Variants in ZNF385D observed in about 807,000 individuals in gnomAD.
The protein encoded by ZNF385D is zinc finger protein 385D.
A neutral mutation model predicts 35.8 loss-of-function variants in ZNF385D; 15 were observed. That is an observed-to-expected ratio of 0.42 (90% confidence interval 0.28 to 0.64). The LOEUF (loss-of-function observed/expected upper bound fraction) is 0.64, where lower values mean the gene tolerates loss of function less well. ZNF385D is among the 30% of genes least tolerant of loss of function. ZNF385D has a pLI of 0.23. For synonymous variants in ZNF385D, 212 were observed against 186.8 expected (o/e 1.13, Z -1.10); for missense variants, 474 against 494.6 (o/e 0.96, Z 0.39).
At chr3:21,727,166 T>C (rs905733096) in intron 1 of ZNF385D, among the ~76,000 whole-genome samples, 5 of 152,024 alleles carry the variant, frequency 3.3e-5, no homozygotes, top group Non-Finnish European at 7.4e-5. Context: ...TATACAAAAA[T>C]TAACTCAAAA....
intron 3 of ZNF385D, among the ~76,000 whole-genome samples, chr3:22,080,777 G>A (rs903307641): frequency 3.9e-5 from 6 of 152,094 alleles, no homozygotes; most frequent in Non-Finnish European, 5.9e-5. Context: ...TGAGGGTGGT[G>A]TCATTTTGTT....
intron 3 of ZNF385D, chr3:21,877,957 G>C (rs1698070072): frequency 1.3e-5 from 2 of 151,996 alleles, no homozygotes; most frequent in Non-Finnish European, 2.9e-5. Flanking sequence ...CAGCAATGAA[G>C]ATTTCATGAT....
At chr3:22,171,578 A>G (rs1314407347) in intron 2 of ZNF385D, among the ~76,000 whole-genome samples, 3 of 152,178 alleles carry the variant, frequency 2.0e-5, no homozygotes, top group Non-Finnish European at 4.4e-5. Context: ...GTAGGACATC[A>G]TAAAACATTT....
At chr3:21,668,681 G>C (rs1041150477) in intron 1 of ZNF385D, among the ~76,000 whole-genome samples, 1 of 152,120 alleles carries the variant, frequency 6.6e-6, no homozygotes, top group Admixed American at 6.6e-5. Context: ...ATCTGGATTA[G>C]TCCTAAAATA....
chr3:21,670,658 CCCCCCCCCCCCCCCCAA>C (rs2066543829), intron 1 of ZNF385D, among the ~76,000 whole-genome samples: 1 of 5,926 alleles, frequency 1.7e-4, no homozygotes, highest in Non-Finnish European at 8.2e-4. Context: ...GCGCCCCCCC[CCCCCCCCCCCCCCCCAA>C]TGACTGAACG....
At chr3:21,743,155 T>C (rs559104630) in intron 1 of ZNF385D, among the ~76,000 whole-genome samples, 23 of 152,208 alleles carry the variant, frequency 1.5e-4, no homozygotes, top group Non-Finnish European at 3.2e-4. Context: ...AAGTAGGCCA[T>C]TTTTCCTACT....
chr3:21,919,408 A>C (rs1193053707), intron 3 of ZNF385D, among the ~76,000 whole-genome samples: 2 of 152,212 alleles, frequency 1.3e-5, no homozygotes, highest in Non-Finnish European at 2.9e-5. Flanking sequence ...GTTGTGAGCT[A>C]TAACGATGTA....
At chr3:22,107,127 C>T (rs551851593) in intron 3 of ZNF385D, among the ~76,000 whole-genome samples, 7 of 147,570 alleles carry the variant, frequency 4.7e-5, no homozygotes, top group Admixed American at 1.4e-4. Flanking sequence ...TGGATTCAAG[C>T]GATTCTCCTG....
intron 3 of ZNF385D, among the ~76,000 whole-genome samples, chr3:21,974,500 G>T (rs1703469771): frequency 6.6e-6 from 1 of 151,998 alleles, no homozygotes; most frequent in South Asian, 2.1e-4. Flanking sequence ...ACTCTCTAGG[G>T]CATTGGTCTG....
chr3:22,241,968 C>T (rs1339425903), intron 2 of ZNF385D, among the ~76,000 whole-genome samples: 2 of 150,118 alleles, frequency 1.3e-5, no homozygotes, highest in South Asian at 2.2e-4. Context: ...CACTCCCATT[C>T]GCAAGAACAA....
chr3:22,271,574 C>CTAT (rs2125362446), intron 2 of ZNF385D, among the ~76,000 whole-genome samples: 1 of 151,964 alleles, frequency 6.6e-6, no homozygotes, highest in East Asian at 2.0e-4. Flanking sequence ...CTCTTCATAC[C>CTAT]CTTAAGTTGA....
At chr3:22,008,346 C>A (rs950660650) in intron 3 of ZNF385D, among the ~76,000 whole-genome samples, 1 of 113,538 alleles carries the variant, frequency 8.8e-6, no homozygotes, top group East Asian at 2.2e-4. Context: ...CACTTTCATA[C>A]AGGCCATGAT....
chr3:22,043,640 G>A (rs1238910064), intron 3 of ZNF385D, among the ~76,000 whole-genome samples: 1 of 151,280 alleles, frequency 6.6e-6, no homozygotes, highest in Non-Finnish European at 1.5e-5. Context: ...AGGAGAGAGG[G>A]TAGGTAACTT....
chr3:21,690,892 T>G (rs1394119265), intron 1 of ZNF385D, among the ~76,000 whole-genome samples: 2 of 152,184 alleles, frequency 1.3e-5, no homozygotes, highest in African/African-American at 4.8e-5. Context: ...GCCATCACCC[T>G]GTGCACCTAC....
intron 2 of ZNF385D, among the ~76,000 whole-genome samples, chr3:21,575,521 A>G (rs1275491403): frequency 6.6e-6 from 1 of 152,148 alleles, no homozygotes; most frequent in East Asian, 1.9e-4. Context: ...TTAATACACC[A>G]AGCTCTCTTT....
At chr3:22,293,254 A>G (rs1316313682) in intron 2 of ZNF385D, among the ~76,000 whole-genome samples, 1 of 152,128 alleles carries the variant, frequency 6.6e-6, no homozygotes, top group Non-Finnish European at 1.5e-5. Flanking sequence ...TAGGGCAACC[A>G]GGAGTCAGAA....
intron 2 of ZNF385D, among the ~76,000 whole-genome samples, chr3:22,359,085 A>AC (rs1252500518): frequency 2.3e-5 from 3 of 130,874 alleles, no homozygotes; most frequent in South Asian, 2.2e-4. Context: ...AAAAAAAAAA[A>AC]CAAAAAACAA....
intron 3 of ZNF385D, among the ~76,000 whole-genome samples, chr3:22,119,039 G>A (rs1702950296): frequency 6.6e-6 from 1 of 151,964 alleles, no homozygotes; most frequent in Admixed American, 6.6e-5. Context: ...CTAAAAAATT[G>A]AATATTAATT....
chr3:21,467,142 G>C (rs139566788), intron 4 of ZNF385D, among the ~76,000 whole-genome samples: 1 of 152,310 alleles, frequency 6.6e-6, no homozygotes, highest in African/African-American at 2.4e-5. Context: ...GTAAAATTAA[G>C]AAGGAAACTT....
Sources: gnomAD v4.1 joint callset for allele counts (sites outside exome capture counted in the v4.1 genomes callset) on GRCh38, gnomAD v4.1.1 for gene constraint, MANE v1.5 for transcripts, NCBI Gene and HGNC (gene_info 2026-07-23, HGNC 2026-07-21) for gene names.